Variants in ZNF746 observed in about 807,000 individuals in gnomAD.
ZNF746 encodes the protein parkin-interacting substrate.
ZNF746 carries 13 observed loss-of-function variants against 41.0 expected under a neutral mutation model. The observed-to-expected ratio is 0.32, with a 90% CI of 0.21 to 0.50. The LOEUF is 0.50. ZNF746 is among the 20% of genes least tolerant of loss of function. ZNF746 has a pLI of 0.98. For missense variants in ZNF746, 811 were observed against 922.9 expected (o/e 0.88, Z 1.57); for synonymous variants, 424 against 396.2 (o/e 1.07, Z -0.83).
rs780577301 is a variant in ZNF746 at position 149,494,044 on chromosome 7, C to T, written c.396G>A (p.Gln132=). The change falls in exon 3 of 7, where the codon CAG becomes CAA. Residue 132 remains glutamine, a synonymous_variant. Coordinates refer to ENST00000458143, the MANE Select transcript of ZNF746 (RefSeq NM_001394198.1). The surrounding 1 kb of genome is among the most constrained non-coding windows in gnomAD (Gnocchi z 5.6). Reference sequence around the variant, plus strand: ...TCATCACGTGCTTGTAGAGCTCCTTCTGCCAGTCCTCCAGCTTGCCCCACT... The same window carrying T: ...TCATCACGTGCTTGTAGAGCTCCTTTTGCCAGTCCTCCAGCTTGCCCCACT... ...EQEWGKLEDW[Q]KELYKHVMRG... 1 of 1,614,202 alleles carries T rather than the reference C, an allele frequency of 6.2e-7. No individual in the cohort carries two copies. The highest frequency in any genetic ancestry group is 8.5e-7 in the Non-Finnish European group (1 of 1,180,044).
rs962974923 is a variant in ZNF746, at chr7:149,497,260, A to G, written c.24+253T>C. ...GGGGCAGGAAGCCCCGGAGGGCCCA[A>G]AGAACTTGGCGTGGGGCGGCCCGGG... is the stretch of plus-strand genomic sequence containing the variant. On this transcript the variant is annotated intron_variant, in intron 1 of 6. Transcript: ENST00000458143. This position sits in a 1 kb window ranked among gnomAD's most constrained non-coding sequence, Gnocchi z 4.2. 3.0e-6 allele frequency: 3 copies of G among 985,086 alleles called. No individual in the cohort carries two copies. The highest frequency in any genetic ancestry group is 4.7e-5 in the South Asian group (1 of 21,268). 61.0% of individuals were successfully genotyped at this position (985,086 alleles called of 1,614,324 possible). A position where few individuals can be genotyped will look rare whatever the true frequency, so the allele number is the denominator to read the frequency against.
chr7:149,475,948 T>C (rs986536622), intron 6 of ZNF746, among the ~76,000 whole-genome samples: 1 of 152,222 alleles, frequency 6.6e-6, no homozygotes, highest in African/African-American at 2.4e-5. Context: ...TGAAAGCACC[T>C]TAGTGAGCTA....
In ZNF746 at chr7:149,473,993, C is replaced by T. The variant is rs570530418; in HGVS notation, c.*391G>A. 50 of 269,234 alleles carry T rather than the reference C, an allele frequency of 1.9e-4. No homozygotes were observed. Among genetic ancestry groups the T allele is most frequent in the African/African-American group, 1.1e-3 (48 of 43,300 alleles). The allele number at this position is 269,234 out of a possible 1,614,324, so 16.7% of individuals were successfully genotyped here. ...GGGCCAGGGGTCCCCAACTGGCCAA[C>T]CTTCCAACACACTATCAGACTCAGT... On this transcript the variant is annotated 3_prime_UTR_variant, in exon 7 of 7. Coordinates refer to ENST00000458143, the MANE Select transcript of ZNF746 (RefSeq NM_001394198.1).
chr7:149,490,338 C>T (rs1303164395), intron 4 of ZNF746: 4 of 152,184 alleles, frequency 2.6e-5, no homozygotes, highest in South Asian at 2.1e-4. Context: ...CCACTGAAGT[C>T]GCTGGTCATG....
intron 4 of ZNF746, among the ~76,000 whole-genome samples, chr7:149,485,760 C>G (rs887561926): frequency 6.6e-6 from 1 of 152,124 alleles, no homozygotes; most frequent in African/African-American, 2.4e-5. Context: ...CACTAACAGG[C>G]CAGGCACAGT....
rs1435501969 is a variant in ZNF746, at chr7:149,475,127, C to A, written c.1240G>T (p.Glu414Ter). 2 of 1,611,704 alleles carry A rather than the reference C, an allele frequency of 1.2e-6. No individual in the cohort carries two copies. The highest frequency in any genetic ancestry group is 1.7e-6 in the Non-Finnish European group (2 of 1,179,554). ...TCCGGGGAGGAGTAAGGAAGCCCCT[C>A]GGGCCCCGTCCTCGGGTTCAGGCCC... is the stretch of plus-strand genomic sequence containing the variant. ...PVGLNPRTGP[E>*]GLPYSSPDNG... The change falls in exon 7 of 7, where the codon GAG becomes TAG. Residue 414 changes from glutamate (E) to a stop codon, truncating the protein, a stop_gained. Coordinates refer to ENST00000458143, the MANE Select transcript of ZNF746 (RefSeq NM_001394198.1). LOFTEE classifies it low-confidence loss of function (END_TRUNC).
chr7:149,487,545 T>C (rs2116470075), intron 4 of ZNF746: 1 of 152,220 alleles, frequency 6.6e-6, no homozygotes, highest in South Asian at 2.1e-4. Flanking sequence ...ACAGACACAA[T>C]CTTTGTGTGA....
intron 1 of ZNF746, chr7:149,496,906 C>T (rs1801017054): frequency 1.0e-6 from 1 of 985,432 alleles, no homozygotes; most frequent in Non-Finnish European, 1.2e-6. Context: ...CTGGGTAAGC[C>T]TGGGCAAGTT....
chr7:149,476,429 G>A lies in ZNF746; in HGVS notation c.883+493C>T, dbSNP rs77387922. On this transcript the variant is annotated intron_variant, in intron 6 of 6. Coordinates refer to ENST00000458143, the MANE Select transcript of ZNF746 (RefSeq NM_001394198.1). ...GATCTTGGCTATTAGCACGTTTTTTGGGTGCTAAAATATGACGTTATTATA... is the reference window on the plus strand; with the variant it reads ...GATCTTGGCTATTAGCACGTTTTTTAGGTGCTAAAATATGACGTTATTATA... 4.4e-3 allele frequency among the ~76,000 whole-genome samples: 656 copies of A among 149,600 alleles called. 6 individuals carry two copies. Among genetic ancestry groups the A allele is most frequent in the Middle Eastern group, 0.021 (6 of 286 alleles).
Position 149,497,159 on chromosome 7 carries a change from T to C in ZNF746, c.24+354A>G, listed in dbSNP as rs934695891. 3.8e-5 allele frequency: 37 copies of C among 984,862 alleles called. No homozygotes were observed. The highest frequency in any genetic ancestry group is 4.2e-5 in the Non-Finnish European group (35 of 829,786). The allele number at this position is 984,862 out of a possible 1,614,324, so 61.0% of individuals were successfully genotyped here. A position where few individuals can be genotyped will look rare whatever the true frequency, so the allele number is the denominator to read the frequency against. The stretch of plus-strand genomic sequence containing the variant: ...GCTGCGGGGGAGATGGAGAGGGACC[T>C]ACAGGCCGAGCGCCAGGCAGAGAAA... On this transcript the variant is annotated intron_variant, in intron 1 of 6. Coordinates refer to ENST00000458143, the MANE Select transcript of ZNF746 (RefSeq NM_001394198.1). This position sits in a 1 kb window ranked among gnomAD's most constrained non-coding sequence, Gnocchi z 4.2.
intron 5 of ZNF746, 133 bp from the exon 6 acceptor site, chr7:149,477,180 A>T: frequency 1.9e-6 from 2 of 1,050,190 alleles, no homozygotes; most frequent in Non-Finnish European, 2.7e-6. Flanking sequence ...CGAGGACCCA[A>T]CCTCTCTGAA....
chr7:149,493,482 G>C (rs1800881079), intron 3 of ZNF746, among the ~76,000 whole-genome samples: 1 of 152,128 alleles, frequency 6.6e-6, no homozygotes. Flanking sequence ...TCCTGGGCAG[G>C]ATTAAACAAG....
rs150127264 is a variant in ZNF746, at chr7:149,482,918, T to TA, written c.566-5164dup. ...TAAATCTAGCCAACTAAAGGTTATA[T>TA]AAAATTTGAGCAACTCTACTAACAA... On this transcript the variant is annotated intron_variant, in intron 4 of 6. Coordinates refer to ENST00000458143, the MANE Select transcript of ZNF746 (RefSeq NM_001394198.1). Among the ~76,000 whole-genome samples the TA allele has an allele frequency of 0.016, 2,437 of 152,326 alleles. 131 individuals carry two copies. The East Asian group carries it at 0.2, about 12-fold the overall frequency.
chr7:149,480,876 G>A (rs1001566055), intron 4 of ZNF746, among the ~76,000 whole-genome samples: 13 of 152,168 alleles, frequency 8.5e-5, no homozygotes, highest in South Asian at 2.1e-4. Context: ...ATAAAGAGGG[G>A]TTCGAAGTTA....
In ZNF746 at chr7:149,474,512, T is replaced by C. The variant is rs1800214976; in HGVS notation, c.1855A>G (p.Thr619Ala). Residue 619 changes from threonine (T) to alanine (A), a missense_variant, in exon 7 of 7, where the codon ACG (threonine) becomes GCG (alanine). This residue lies in a region of ZNF746 where 99 missense variants were observed against 80.3 expected (regional missense o/e 1.23). Coordinates refer to ENST00000458143, the MANE Select transcript of ZNF746 (RefSeq NM_001394198.1). The surrounding 1 kb of genome is among the most constrained non-coding windows in gnomAD (Gnocchi z 6.3). The stretch of plus-strand genomic sequence containing the variant: ...AAGGGATCAGGAGGTGCGGGCGGCG[T>C]CGGGAGTGGCTGGCCTCGGGCCGGG... ...KTPARGQPLP[T>A]PPAPPDPFKS... 7 of 1,609,702 alleles carry C rather than the reference T, an allele frequency of 4.3e-6. No individual in the cohort carries two copies. In the East Asian group the frequency reaches 1.3e-4, roughly 31 times the overall value.
intron 3 of ZNF746, among the ~76,000 whole-genome samples, chr7:149,493,265 CT>C (rs1192479739): frequency 6.6e-6 from 1 of 152,326 alleles, no homozygotes; most frequent in East Asian, 1.9e-4. Flanking sequence ...ACAGAATCAC[CT>C]GGTCCCAAAT....
chr7:149,474,347 C>G lies in ZNF746; in HGVS notation c.*37G>C. On this transcript the variant is annotated 3_prime_UTR_variant, in exon 7 of 7. Transcript: ENST00000458143. The surrounding 1 kb of genome is among the most constrained non-coding windows in gnomAD (Gnocchi z 6.3). ...TGCTGCCTGCACACGGGGCTTTTTA[C>G]ACGTGCGGCCGGCAGGGGCTATGGG... 6.4e-7 allele frequency: 1 copy of G among 1,571,752 alleles called. No homozygotes were observed. The highest frequency in any genetic ancestry group is 8.6e-7 in the Non-Finnish European group (1 of 1,158,990).
intron 4 of ZNF746, among the ~76,000 whole-genome samples, chr7:149,481,856 G>T (rs1005009437): frequency 2.6e-5 from 4 of 152,064 alleles, no homozygotes; most frequent in Non-Finnish European, 4.4e-5. Flanking sequence ...ATGGTAAAAA[G>T]AATCCAAATA....
intron 4 of ZNF746, chr7:149,491,746 C>G: frequency 1.6e-6 from 1 of 621,092 alleles, no homozygotes; most frequent in Non-Finnish European, 2.9e-6. Context: ...CAGTGTCAGA[C>G]GAAAGGGAAA....
Sources: gnomAD v4.1 joint callset for allele counts (sites outside exome capture counted in the v4.1 genomes callset) on GRCh38, gnomAD v4.1.1 for gene constraint, gnomAD v4.1.1 regional missense constraint, Gnocchi (gnomAD v3.1) non-coding constraint, MANE v1.5 for transcripts, NCBI Gene and HGNC (gene_info 2026-07-23, HGNC 2026-07-21) for gene names.